The following COL6A6 variants were observed in gnomAD, a reference collection of about 807,000 sequenced individuals.
The protein encoded by COL6A6 is collagen alpha-6(VI) chain.
In COL6A6, 183 loss-of-function variants were observed where a neutral mutation model predicts 208.6. That is an observed-to-expected ratio of 0.88 (90% CI 0.78 to 0.99). The LOEUF (loss-of-function observed/expected upper bound fraction) is 0.99. COL6A6 is among the 50% of genes least tolerant of loss of function. COL6A6 has a pLI of 0.00. For synonymous variants in COL6A6, 973 were observed against 1,011.8 expected, an observed-to-expected ratio of 0.96 and a Z score of 0.73; for missense variants, 2,816 against 2,815.2, an observed-to-expected ratio of 1.00 and a Z score of -0.01.
At chr3:130,542,898 C>CTTTTTTTTTTTTTTT (rs56339748) in intron 1 of COL6A6, among the ~76,000 whole-genome samples, 13 of 92,612 alleles carry the variant, frequency 1.4e-4, no homozygotes, top group African/African-American at 5.4e-4. Context: ...TCCATTCACT[C>CTTTTTTTTTTTTTTT]TTTTTTTTTT....
intron 20 of COL6A6, among the ~76,000 whole-genome samples, chr3:130,602,172 A>C (rs2064043361): frequency 6.6e-6 from 1 of 152,258 alleles, no homozygotes; most frequent in African/African-American, 2.4e-5. Context: ...CTATGACTTA[A>C]GGGGCTTCAT....
At chr3:130,650,619 A>AAAG (rs1270637889) in intron 33 of COL6A6, among the ~76,000 whole-genome samples, 2 of 151,192 alleles carry the variant, frequency 1.3e-5, no homozygotes, top group East Asian at 3.9e-4. Flanking sequence ...CCAAAAAAAA[A>AAAG]AAGAAAAAAG....
At chr3:130,530,005 C>G (rs574036160) in intron 1 of COL6A6, among the ~76,000 whole-genome samples, 11 of 152,274 alleles carry the variant, frequency 7.2e-5, no homozygotes, top group African/African-American at 2.6e-4. Flanking sequence ...GTTTGATATG[C>G]AAATCCTGAG....
rs2063956021 is a variant in COL6A6, at chr3:130,599,775, G to C, written c.4618G>C (p.Gly1540Arg). The change falls in exon 20 of 37, where the codon GGC becomes CGC. Residue 1540 changes from glycine (G) to arginine (R), a missense_variant. Transcript: ENST00000358511. ...RGRQGRRGWPGPPGTPGSRRK... is the reference protein window; with the variant it reads ...RGRQGRRGWPRPPGTPGSRRK... ...TTGACAGGGCAGAAGAGGCTGGCCA[G>C]GCCCCCCCGGGACACCAGGCTCCAG... 1 of 1,613,762 alleles carries C rather than the reference G, an allele frequency of 6.2e-7. No individual in the cohort carries two copies. Among genetic ancestry groups the C allele is most frequent in the East Asian group, 2.2e-5 (1 of 44,886 alleles).
At chr3:130,635,622 C>A in intron 27 of COL6A6, 77 bp from the exon 28 acceptor site, 1 of 942,380 alleles carries the variant, frequency 1.1e-6, no homozygotes, top group Non-Finnish European at 1.6e-6. Flanking sequence ...ATGTTAGAAT[C>A]AGTTTAAAGA....
intron 36 of COL6A6, among the ~76,000 whole-genome samples, chr3:130,674,559 C>T (rs570383591): frequency 1.2e-4 from 18 of 152,212 alleles, no homozygotes; most frequent in African/African-American, 3.6e-4. Flanking sequence ...TTCTATTAAG[C>T]AGATAGTAAA....
chr3:130,589,744 C>T (rs2063629163), intron 12 of COL6A6, among the ~76,000 whole-genome samples: 1 of 152,108 alleles, frequency 6.6e-6, no homozygotes, highest in Admixed American at 6.5e-5. Context: ...TATTTCCTAA[C>T]CAGAAAAAGT....
chr3:130,625,652 A>G (rs2064863217), intron 24 of COL6A6, among the ~76,000 whole-genome samples: 1 of 152,148 alleles, frequency 6.6e-6, no homozygotes, highest in Admixed American at 6.5e-5. Flanking sequence ...AGTCTGAGAA[A>G]CTGTCCCAGT....
chr3:130,659,679 T>C (rs2065890623), intron 34 of COL6A6, among the ~76,000 whole-genome samples: 1 of 152,230 alleles, frequency 6.6e-6, no homozygotes, highest in Non-Finnish European at 1.5e-5. Flanking sequence ...CCAAGAAGGC[T>C]GACTCTAAAC....
At chr3:130,594,731 A>G (rs778983491) in intron 18 of COL6A6, among the ~76,000 whole-genome samples, 2 of 152,200 alleles carry the variant, frequency 1.3e-5, no homozygotes, top group Non-Finnish European at 2.9e-5. Context: ...TAATAAAGAC[A>G]TACCTGAGTC....
chr3:130,665,827 C>T (rs910144818), intron 36 of COL6A6, among the ~76,000 whole-genome samples: 3 of 152,180 alleles, frequency 2.0e-5, no homozygotes, highest in Admixed American at 6.5e-5. Context: ...CCAAAACCAT[C>T]GCGTGACAGG....
chr3:130,589,299 T>G (rs1212974888), intron 12 of COL6A6, 117 bp downstream of exon 12: 2 of 620,550 alleles, frequency 3.2e-6, no homozygotes, highest in East Asian at 2.9e-5. Context: ...TATATAAGAG[T>G]TTATTATACT....
chr3:130,652,166 A>G (rs980765553), intron 33 of COL6A6, among the ~76,000 whole-genome samples: 2 of 152,250 alleles, frequency 1.3e-5, no homozygotes, highest in South Asian at 2.1e-4. Context: ...TCCCTGCCAT[A>G]CATCAGATAT....
At chr3:130,597,064 T>C (rs1284325537) in intron 18 of COL6A6, among the ~76,000 whole-genome samples, 1 of 152,210 alleles carries the variant, frequency 6.6e-6, no homozygotes, top group Non-Finnish European at 1.5e-5. Flanking sequence ...TATATGATTC[T>C]TTTTATGTTA....
intron 26 of COL6A6, among the ~76,000 whole-genome samples, chr3:130,634,164 A>G (rs1021469270): frequency 5.5e-5 from 6 of 109,378 alleles, no homozygotes; most frequent in Non-Finnish European, 8.1e-5. Context: ...GTGAAATAGC[A>G]GTTGATTTCT....
At chr3:130,590,095 A>G (rs1260553178) in intron 12 of COL6A6, 1 of 405,836 alleles carries the variant, frequency 2.5e-6, no homozygotes, top group Non-Finnish European at 4.9e-6. Context: ...TAATAAACGG[A>G]GAATAATTCT....
chr3:130,599,872 G>A (rs2063960337), intron 20 of COL6A6, 62 bp downstream of exon 20: 7 of 1,530,732 alleles, frequency 4.6e-6, no homozygotes, highest in African/African-American at 4.1e-5. Flanking sequence ...GGTGAAAATG[G>A]CTGACTTTGG....
intron 8 of COL6A6, among the ~76,000 whole-genome samples, chr3:130,581,149 T>C (rs564129310): frequency 7.2e-4 from 109 of 152,334 alleles, no homozygotes; most frequent in African/African-American, 2.5e-3. Context: ...ATTCAAATGT[T>C]CTTAAATTTC....
In COL6A6 at chr3:130,573,945, CTT is replaced by C. The variant is rs1350501599; in HGVS notation, c.2978-10_2978-9del. 6.4e-7 allele frequency: 1 copy of C among 1,568,968 alleles called. No individual in the cohort carries two copies. Among genetic ancestry groups the C allele is most frequent in the East Asian group, 2.2e-5 (1 of 44,638 alleles). On this transcript the variant is annotated splice_polypyrimidine_tract_variant and intron_variant, in intron 7 of 36. Coordinates refer to ENST00000358511, the MANE Select transcript of COL6A6 (RefSeq NM_001102608.3). Reference sequence around the variant, plus strand: ...ATCTGGGTTTTCTGTTGTTCCTTCTCTTCTTTGTAGATTGTGAAATTGACAAA... The same window carrying C: ...ATCTGGGTTTTCTGTTGTTCCTTCTCCTTTGTAGATTGTGAAATTGACAAA...
Sources: allele counts gnomAD v4.1 joint callset (sites outside exome capture counted in the v4.1 genomes callset), GRCh38; gene constraint gnomAD v4.1.1; transcripts MANE v1.5; gene names NCBI Gene and HGNC (gene_info 2026-07-23, HGNC 2026-07-21).